Variants in TENM3 observed in about 807,000 individuals in gnomAD.
TENM3 encodes the protein teneurin-3.
A neutral mutation model predicts 255.1 loss-of-function variants in TENM3; 63 were observed. That is an observed-to-expected ratio of 0.25 (90% confidence interval 0.20 to 0.30). TENM3 has a LOEUF of 0.30. TENM3 is among the 10% of genes least tolerant of loss of function. The probability of loss-of-function intolerance (pLI) is 1.00; values close to 1 mark genes in which losing one functional copy is unlikely to be tolerated. For synonymous variants in TENM3, 1,306 were observed against 1,322.3 expected, an observed-to-expected ratio of 0.99 and a Z score of 0.27; for missense variants, 2,929 against 3,461.1, an observed-to-expected ratio of 0.85 and a Z score of 3.86.
At chr4:181,859,019 T>C in the TENM3 span, among the ~76,000 whole-genome samples, 1 of 152,018 alleles carries the variant, frequency 6.6e-6, no homozygotes, top group Non-Finnish European at 1.5e-5. Context: ...CTGTAGGTGA[T>C]CTTCAGTTGA....
the TENM3 span, among the ~76,000 whole-genome samples, chr4:181,894,952 T>G: frequency 3.3e-5 from 5 of 152,072 alleles, no homozygotes; most frequent in African/African-American, 1.2e-4. Flanking sequence ...TTAGGGTCAT[T>G]TGTACAATTC....
chr4:182,485,209 G>A (rs1734581090), intron 3 of TENM3, among the ~76,000 whole-genome samples: 1 of 152,102 alleles, frequency 6.6e-6, no homozygotes, highest in African/African-American at 2.4e-5. Context: ...AGTGACATAA[G>A]TGTATATATA....
At chr4:182,443,022 C>T (rs1323156366) in intron 3 of TENM3, among the ~76,000 whole-genome samples, 4 of 152,004 alleles carry the variant, frequency 2.6e-5, no homozygotes, top group Non-Finnish European at 5.9e-5. Context: ...CGTGTCTGGC[C>T]TGAGAACCAA....
intron 1 of TENM3, among the ~76,000 whole-genome samples, chr4:182,234,275 G>T (rs1579830368): frequency 1.3e-5 from 2 of 152,218 alleles, no homozygotes; most frequent in East Asian, 1.9e-4. Context: ...TGTTCTGAGG[G>T]AATAGTCGTA....
intron 1 of TENM3, among the ~76,000 whole-genome samples, chr4:182,286,374 C>G (rs577683334): frequency 6.6e-6 from 1 of 152,362 alleles, no homozygotes; most frequent in Admixed American, 6.5e-5. Context: ...AACTGTTCAA[C>G]CAGAGATTGG....
the TENM3 span, among the ~76,000 whole-genome samples, chr4:181,685,762 G>C: frequency 1.3e-5 from 2 of 151,032 alleles, no homozygotes; most frequent in East Asian, 3.9e-4. Context: ...CCCCTTGATA[G>C]CTAGTAAAGG....
chr4:182,123,514 G>A, the TENM3 span, among the ~76,000 whole-genome samples: 3 of 152,162 alleles, frequency 2.0e-5, no homozygotes, highest in Non-Finnish European at 4.4e-5. Context: ...GGGACTAGAT[G>A]GGCCTGAGGA....
chr4:182,691,078 C>G (rs1217770883), intron 12 of TENM3, among the ~76,000 whole-genome samples: 3 of 152,216 alleles, frequency 2.0e-5, no homozygotes, highest in Non-Finnish European at 4.4e-5. Context: ...ATTGCCTTTC[C>G]CCTGTTTCCT....
chr4:182,272,981 T>C (rs1759746668), intron 1 of TENM3, among the ~76,000 whole-genome samples: 1 of 152,140 alleles, frequency 6.6e-6, no homozygotes, highest in South Asian at 2.1e-4. Flanking sequence ...AGGTTTGATT[T>C]AAGTTTGTAA....
At chr4:181,663,386 T>C in the TENM3 span, among the ~76,000 whole-genome samples, 7 of 152,160 alleles carry the variant, frequency 4.6e-5, no homozygotes, top group African/African-American at 1.4e-4. Context: ...GCACATGGAT[T>C]TGGGGCCACC....
the TENM3 span, among the ~76,000 whole-genome samples, chr4:181,826,691 C>T: frequency 1.3e-5 from 2 of 152,198 alleles, no homozygotes; most frequent in African/African-American, 2.4e-5. Context: ...TTAACCCTAG[C>T]TACACATTAG....
chr4:182,621,804 TATATATTA>T (rs1561017138), intron 4 of TENM3, among the ~76,000 whole-genome samples: 271 of 6,716 alleles, frequency 0.04, 3 homozygotes, highest in Admixed American at 0.081. Context: ...ATATATAATA[TATATATTA>T]TATATATATA....
At chr4:182,120,851 G>A in the TENM3 span, among the ~76,000 whole-genome samples, 1 of 152,122 alleles carries the variant, frequency 6.6e-6, no homozygotes, top group Admixed American at 6.6e-5. Context: ...GGTTCTAGAA[G>A]TTGAGGTCAA....
chr4:182,102,176 G>C, the TENM3 span, among the ~76,000 whole-genome samples: 3 of 152,172 alleles, frequency 2.0e-5, no homozygotes, highest in African/African-American at 7.2e-5. Flanking sequence ...GGAATCGCTA[G>C]GGGGTGGGTT....
chr4:182,090,437 TA>T, the TENM3 span, among the ~76,000 whole-genome samples: 1 of 152,064 alleles, frequency 6.6e-6, no homozygotes, highest in South Asian at 2.1e-4. Context: ...TCCAACTGAA[TA>T]AAGATCCCTG....
At chr4:182,280,914 G>A (rs1247291181) in intron 1 of TENM3, among the ~76,000 whole-genome samples, 2 of 152,182 alleles carry the variant, frequency 1.3e-5, no homozygotes, top group Non-Finnish European at 2.9e-5. Flanking sequence ...AAGGAGCCTC[G>A]AGAAGCAGAG....
the TENM3 span, among the ~76,000 whole-genome samples, chr4:181,825,096 C>A: frequency 6.6e-6 from 1 of 152,272 alleles, no homozygotes; most frequent in Non-Finnish European, 1.5e-5. Flanking sequence ...CCTACTGGCA[C>A]TAAAAACTAT....
At chr4:181,833,881 GT>G in the TENM3 span, among the ~76,000 whole-genome samples, 1 of 152,086 alleles carries the variant, frequency 6.6e-6, no homozygotes, top group Non-Finnish European at 1.5e-5. Flanking sequence ...TGTCTACCTG[GT>G]TCCTAACACA....
At chr4:181,540,564 T>C in the TENM3 span, among the ~76,000 whole-genome samples, 1 of 152,136 alleles carries the variant, frequency 6.6e-6, no homozygotes, top group Non-Finnish European at 1.5e-5. Context: ...CAACAACATG[T>C]CATGTTGGTA....
Sources: allele counts gnomAD v4.1 joint callset (sites outside exome capture counted in the v4.1 genomes callset), GRCh38; gene constraint gnomAD v4.1.1; transcripts MANE v1.5; gene names NCBI Gene and HGNC (gene_info 2026-07-23, HGNC 2026-07-21).